Variants in DMXL1 observed in about 807,000 individuals in gnomAD.
DMXL1 encodes the protein dmX-like protein 1.
In DMXL1, 99 loss-of-function variants were observed where a neutral mutation model predicts 319.2. That is an observed-to-expected ratio of 0.31 (90% CI 0.26 to 0.37). DMXL1 has a LOEUF of 0.37. Ranked by LOEUF, DMXL1 falls within the 10% of genes least tolerant of loss-of-function variation. The pLI, the probability that DMXL1 is intolerant of heterozygous loss-of-function variation, is 1.00. For synonymous variants in DMXL1, 1,385 were observed against 1,235.2 expected (o/e 1.12, Z -2.54); for missense variants, 3,745 against 3,595.6 (o/e 1.04, Z -1.06).
chr5:119,156,952 T>G (rs1771223365), intron 19 of DMXL1, among the ~76,000 whole-genome samples: 1 of 152,158 alleles, frequency 6.6e-6, no homozygotes, highest in South Asian at 2.1e-4. Context: ...TTTTCATTTA[T>G]CTGTTGGACA....
At chr5:119,244,663 T>A in intron 43 of DMXL1, 87 bp downstream of exon 43, 1 of 873,392 alleles carries the variant, frequency 1.1e-6, no homozygotes, top group Non-Finnish European at 1.8e-6. Context: ...TCAATCTATT[T>A]AAATAATAGT....
intron 31 of DMXL1, among the ~76,000 whole-genome samples, chr5:119,196,700 A>T (rs1199097035): frequency 6.6e-6 from 1 of 151,862 alleles, no homozygotes; most frequent in Non-Finnish European, 1.5e-5. Flanking sequence ...CTGTCTTGAG[A>T]CTCTATTTAT....
At chr5:119,119,137 G>A in intron 8 of DMXL1, 133 bp downstream of exon 8, 2 of 560,558 alleles carry the variant, frequency 3.6e-6, no homozygotes, top group Non-Finnish European at 5.7e-6. Context: ...AGTTCTATTT[G>A]GTTCAAAAAA....
chr5:119,206,288 C>CT (rs1193025706), intron 33 of DMXL1, among the ~76,000 whole-genome samples: 1 of 151,920 alleles, frequency 6.6e-6, no homozygotes, highest in Admixed American at 6.6e-5. Context: ...TGGAACAACT[C>CT]TTTCTTTAAC....
At chr5:119,139,867 T>A (rs1766904144) in intron 13 of DMXL1, among the ~76,000 whole-genome samples, 1 of 152,192 alleles carries the variant, frequency 6.6e-6, no homozygotes, top group African/African-American at 2.4e-5. Context: ...GACCACATAA[T>A]TGGACATAAA....
intron 2 of DMXL1, 63 bp from the exon 3 acceptor site, chr5:119,101,872 G>C (rs1757354456): frequency 4.6e-6 from 5 of 1,079,322 alleles, no homozygotes; most frequent in Non-Finnish European, 5.4e-6. Flanking sequence ...TCATTTCTTT[G>C]CTTTTTTTGA....
At chr5:119,238,631 G>A (rs1409630379) in intron 40 of DMXL1, among the ~76,000 whole-genome samples, 1 of 152,062 alleles carries the variant, frequency 6.6e-6, no homozygotes, top group African/African-American at 2.4e-5. Context: ...TTAACCTCAT[G>A]TTTTCCTTTG....
At chr5:119,238,893 G>A (rs1788244054) in intron 40 of DMXL1, 96 bp from the exon 41 acceptor site, 1 of 1,518,800 alleles carries the variant, frequency 6.6e-7, no homozygotes, top group African/African-American at 1.4e-5. Flanking sequence ...ATTTAAGAAA[G>A]CCAGAAACTA....
chr5:119,241,395 C>T (rs1421888211), intron 42 of DMXL1, among the ~76,000 whole-genome samples: 6 of 151,748 alleles, frequency 4.0e-5, no homozygotes, highest in East Asian at 1.9e-4. Flanking sequence ...ATTAGCCAGG[C>T]GTTGTGGTGG....
In DMXL1 at chr5:119,189,826, G is replaced by C. The variant is rs1254426299; in HGVS notation, c.7254G>C (p.Leu2418=). The part of the protein sequence containing the change: ...PSSAPVSQES[L]AVKEKFIPPE... ...CGGCACCAGTAAGCCAGGAGTCACT[G>C]GCGGTTAAAGAAAAGTTCATCCCAC... The change falls in exon 29 of 44, where the codon CTG becomes CTC. Residue 2418 remains leucine, a synonymous_variant. Transcript: ENST00000539542. The C allele has an allele frequency of 6.2e-7, 1 of 1,613,944 alleles. No homozygotes were observed. Among genetic ancestry groups the C allele is most frequent in the Admixed American group, 1.7e-5 (1 of 60,002 alleles).
chr5:119,089,208 T>C (rs1754038890), intron 1 of DMXL1, among the ~76,000 whole-genome samples: 1 of 146,426 alleles, frequency 6.8e-6, no homozygotes, highest in African/African-American at 2.5e-5. Context: ...TCCTGGCCTA[T>C]GTGGTTTCTC....
At chr5:119,131,982 A>T (rs996454694) in intron 10 of DMXL1, among the ~76,000 whole-genome samples, 1 of 152,238 alleles carries the variant, frequency 6.6e-6, no homozygotes, top group South Asian at 2.1e-4. Flanking sequence ...AGAAAAATAT[A>T]TACTTCTTCA....
chr5:119,172,277 T>C (rs1266119727), intron 25 of DMXL1, among the ~76,000 whole-genome samples: 1 of 152,222 alleles, frequency 6.6e-6, no homozygotes, highest in Non-Finnish European at 1.5e-5. Flanking sequence ...AAAAAGCTCA[T>C]TGTTTTTTAA....
intron 4 of DMXL1, among the ~76,000 whole-genome samples, chr5:119,106,762 G>A (rs1758442624): frequency 6.6e-6 from 1 of 152,162 alleles, no homozygotes; most frequent in Admixed American, 6.5e-5. Context: ...TGAGAAATAA[G>A]AACTTATTTC....
chr5:119,093,246 C>T (rs1303026548), intron 1 of DMXL1, among the ~76,000 whole-genome samples: 1 of 152,086 alleles, frequency 6.6e-6, no homozygotes, highest in South Asian at 2.1e-4. Flanking sequence ...TGCAGCAACA[C>T]GATCTTGGCT....
intron 1 of DMXL1, among the ~76,000 whole-genome samples, chr5:119,096,128 T>C (rs1755895662): frequency 6.6e-6 from 1 of 152,104 alleles, no homozygotes; most frequent in African/African-American, 2.4e-5. Context: ...TGATAGAGTA[T>C]ACAGAATAAT....
intron 28 of DMXL1, among the ~76,000 whole-genome samples, chr5:119,179,393 C>T (rs2150320249): frequency 6.6e-6 from 1 of 151,054 alleles, no homozygotes; most frequent in African/African-American, 2.4e-5. Flanking sequence ...TTCACTTCTT[C>T]CCTGACGTTT....
intron 33 of DMXL1, among the ~76,000 whole-genome samples, chr5:119,204,034 G>C (rs1344297247): frequency 2.0e-5 from 3 of 152,000 alleles, no homozygotes; most frequent in African/African-American, 7.3e-5. Context: ...GTGTTAGCCA[G>C]GATGGTCTCG....
intron 1 of DMXL1, among the ~76,000 whole-genome samples, chr5:119,090,790 C>A (rs1355126631): frequency 1.3e-4 from 20 of 151,932 alleles, no homozygotes; most frequent in Admixed American, 1.3e-3. Context: ...TGGTCTCGAT[C>A]TCTCAACCTT....
Sources: allele counts gnomAD v4.1 joint callset (sites outside exome capture counted in the v4.1 genomes callset), GRCh38; gene constraint gnomAD v4.1.1; transcripts MANE v1.5; gene names NCBI Gene and HGNC (gene_info 2026-07-23, HGNC 2026-07-21).